ASAH2B: variants seen among roughly 807,000 people sequenced by gnomAD.
The protein encoded by ASAH2B is N-acylsphingosine amidohydrolase 2B, also known as putative inactive neutral ceramidase B.
Under a neutral mutation model 2.9 loss-of-function variants are expected in ASAH2B, and 1 was observed. The ratio of observed to expected loss-of-function variants is 0.34; its 90% confidence interval spans 0.12 to 1.63. The LOEUF is 1.63. Among genes scored for constraint, ASAH2B ranks in the 40% most tolerant of loss-of-function variants. ASAH2B has a pLI of 0.36. For synonymous variants in ASAH2B, 4 were observed against 13.3 expected, an observed-to-expected ratio of 0.30 and a Z score of 1.52; for missense variants, 9 against 37.7, an observed-to-expected ratio of 0.24 and a Z score of 1.99.
chr10:50,751,510 A>G (rs1409766589), intron 4 of ASAH2B, among the ~76,000 whole-genome samples: 1 of 150,730 alleles, frequency 6.6e-6, no homozygotes, highest in Admixed American at 6.6e-5. Context: ...AGGCCTTCCC[A>G]ATGTCATTTG....
At chr10:50,753,418 G>A (rs2132730784) in intron 5 of ASAH2B, among the ~76,000 whole-genome samples, 1 of 62,870 alleles carries the variant, frequency 1.6e-5, no homozygotes, top group East Asian at 4.9e-4. Context: ...TTTAAAACAA[G>A]TAATGTATAT....
At chr10:50,743,801 T>C (rs996127666) in intron 2 of ASAH2B, 2 of 150,958 alleles carry the variant, frequency 1.3e-5, no homozygotes, top group South Asian at 2.1e-4. Context: ...TATAATAATA[T>C]GTAAGCCTCA....
chr10:50,748,868 T>C (rs1338009490), intron 3 of ASAH2B, among the ~76,000 whole-genome samples: 1 of 151,528 alleles, frequency 6.6e-6, no homozygotes, highest in Non-Finnish European at 1.5e-5. Context: ...TTGTTTAATA[T>C]ATATTTTTTC....
rs921764897 is a variant in ASAH2B, at chr10:50,756,512, A to G, written c.*1772A>G. 3.4e-4 allele frequency: 51 copies of G among 152,114 alleles called. No individual in the cohort carries two copies. The highest frequency in any genetic ancestry group is 7.2e-4 in the Admixed American group (11 of 15,254). The allele number at this position is 152,114 out of a possible 1,614,324, so 9.4% of individuals were successfully genotyped here. ...ATTAGAACTCATGATATGGTTTTTTAAAGTATTTGTTATTACTCAGAAGGG... is the reference window on the plus strand; with the variant it reads ...ATTAGAACTCATGATATGGTTTTTTGAAGTATTTGTTATTACTCAGAAGGG... On this transcript the variant is annotated 3_prime_UTR_variant, in exon 6 of 6. Transcript: ENST00000647317.
intron 5 of ASAH2B, among the ~76,000 whole-genome samples, 181 bp from the exon 6 acceptor site, chr10:50,754,370 T>C (rs1433469578): frequency 1.5e-3 from 171 of 117,766 alleles, no homozygotes; most frequent in African/African-American, 5.8e-3. Flanking sequence ...AAGTTTCTCT[T>C]CTAGAAAATA....
intron 3 of ASAH2B, among the ~76,000 whole-genome samples, chr10:50,747,485 C>T (rs1377392498): frequency 1.3e-5 from 2 of 151,636 alleles, no homozygotes; most frequent in African/African-American, 4.9e-5. Context: ...AGTTGTGAGA[C>T]TGGACACTCT....
At chr10:50,746,726 T>C in intron 3 of ASAH2B, among the ~76,000 whole-genome samples, 1 of 150,600 alleles carries the variant, frequency 6.6e-6, no homozygotes. Context: ...TGTTGTAGTT[T>C]TAATTTGCAT....
At chr10:50,747,052 T>C (rs1839918195) in intron 3 of ASAH2B, among the ~76,000 whole-genome samples, 2 of 150,070 alleles carry the variant, frequency 1.3e-5, no homozygotes, top group African/African-American at 2.5e-5. Context: ...GCATTAGGGG[T>C]CATATTAAAA....
intron 3 of ASAH2B, among the ~76,000 whole-genome samples, chr10:50,747,509 A>G (rs1163981219): frequency 3.3e-5 from 5 of 151,662 alleles, no homozygotes; most frequent in Non-Finnish European, 5.9e-5. Context: ...CTTGTTTCCA[A>G]TCTTAGTAGA....
chr10:50,749,066 GC>G (rs1402092923), intron 3 of ASAH2B, among the ~76,000 whole-genome samples: 4 of 148,956 alleles, frequency 2.7e-5, no homozygotes, highest in Non-Finnish European at 6.0e-5. Context: ...AATTATCAAG[GC>G]CTGAAGAAGC....
chr10:50,748,107 G>T (rs911128664), intron 3 of ASAH2B, among the ~76,000 whole-genome samples: 1 of 148,344 alleles, frequency 6.7e-6, no homozygotes, highest in South Asian at 2.2e-4. Context: ...CATCAATTTT[G>T]TGTCTTTCTA....
At chr10:50,740,682 C>T (rs535348840) in intron 1 of ASAH2B, among the ~76,000 whole-genome samples, 3 of 152,274 alleles carry the variant, frequency 2.0e-5, no homozygotes, top group Admixed American at 1.3e-4. Flanking sequence ...AATACAGGAC[C>T]TTAATTGAAT....
intron 3 of ASAH2B, among the ~76,000 whole-genome samples, chr10:50,747,431 A>G (rs1482143374): frequency 1.3e-5 from 2 of 151,324 alleles, no homozygotes; most frequent in Non-Finnish European, 2.9e-5. Flanking sequence ...TGGTACCTTC[A>G]TCTTTGTTTT....
At chr10:50,743,483 A>G (rs1228431799) in intron 2 of ASAH2B, among the ~76,000 whole-genome samples, 1 of 149,968 alleles carries the variant, frequency 6.7e-6, no homozygotes, top group African/African-American at 2.5e-5. Context: ...ATTGGGATGC[A>G]TTTTCCAATC....
intron 5 of ASAH2B, among the ~76,000 whole-genome samples, 177 bp downstream of exon 5, chr10:50,752,733 TG>T (rs1839991173): frequency 1.3e-5 from 1 of 79,682 alleles, no homozygotes; most frequent in South Asian, 3.5e-4. Context: ...TTCATTTTTC[TG>T]CAAAACAGTG....
At chr10:50,746,074 C>A (rs1303579537) in intron 3 of ASAH2B, among the ~76,000 whole-genome samples, 1 of 151,194 alleles carries the variant, frequency 6.6e-6, no homozygotes, top group Non-Finnish European at 1.5e-5. Flanking sequence ...TGTACAGTAG[C>A]CCTCTTGAAC....
At chr10:50,743,277 A>T (rs1010292173) in intron 2 of ASAH2B, among the ~76,000 whole-genome samples, 1 of 151,852 alleles carries the variant, frequency 6.6e-6, no homozygotes, top group Non-Finnish European at 1.5e-5. Context: ...TACAACCATC[A>T]TGTGAAATTA....
chr10:50,745,598 A>G (rs564532494), intron 3 of ASAH2B, among the ~76,000 whole-genome samples: 3,672 of 143,720 alleles, frequency 0.026, 86 homozygotes, highest in Non-Finnish European at 0.039. Flanking sequence ...TACCATTACT[A>G]TTTTATATCA....
In ASAH2B at chr10:50,756,178, C is replaced by T. The variant is rs1455689083; in HGVS notation, c.*1438C>T. The T allele has an allele frequency of 6.6e-6, 1 of 150,656 alleles. No individual in the cohort carries two copies. The highest frequency in any genetic ancestry group is 1.5e-5 in the Non-Finnish European group (1 of 67,376). 9.3% of individuals were successfully genotyped at this position (150,656 alleles called of 1,614,324 possible). On this transcript the variant is annotated 3_prime_UTR_variant, in exon 6 of 6. Coordinates refer to ENST00000647317, the MANE Select transcript of ASAH2B (RefSeq NM_001321958.2). ...TAGCATTTTAGGGAAAAAAATCAAT[C>T]TGTATTTCAAAAATAAACTTTGAGG...
Sources: allele counts gnomAD v4.1 joint callset (sites outside exome capture counted in the v4.1 genomes callset), GRCh38; gene constraint gnomAD v4.1.1; transcripts MANE v1.5; gene names NCBI Gene and HGNC (gene_info 2026-07-23, HGNC 2026-07-21).